The following METAP1 variants were observed in gnomAD, a reference collection of about 807,000 sequenced individuals.
METAP1 encodes the protein methionyl aminopeptidase 1.
Under a neutral mutation model 53.8 loss-of-function variants are expected in METAP1, and 28 were observed. The observed-to-expected ratio is 0.52, with a 90% CI of 0.39 to 0.71. The LOEUF (loss-of-function observed/expected upper bound fraction) is 0.71. Ranked by LOEUF, METAP1 falls within the 30% of genes least tolerant of loss-of-function variation. The probability of loss-of-function intolerance (pLI) is 0.00; values close to 1 mark genes in which losing one functional copy is unlikely to be tolerated. For synonymous variants in METAP1, 181 were observed against 165.7 expected (o/e 1.09, Z -0.71); for missense variants, 389 against 479.8 (o/e 0.81, Z 1.77).
chr4:99,050,569 A>G (rs1726618655), intron 9 of METAP1, among the ~76,000 whole-genome samples: 1 of 152,196 alleles, frequency 6.6e-6, no homozygotes, highest in African/African-American at 2.4e-5. Flanking sequence ...TGGGCCGCAG[A>G]CAGGTACCAA....
intron 1 of METAP1, chr4:99,026,679 T>G: frequency 1.0e-6 from 1 of 985,402 alleles, no homozygotes; most frequent in Non-Finnish European, 1.2e-6. Context: ...TTTTGAGTAT[T>G]CCTCTTCTAC....
At chr4:99,052,974 CTTTG>C (rs1726821852) in intron 9 of METAP1, among the ~76,000 whole-genome samples, 1 of 152,110 alleles carries the variant, frequency 6.6e-6, no homozygotes, top group Non-Finnish European at 1.5e-5. Context: ...AAACTACTTT[CTTTG>C]TTTATCTGTA....
At chr4:99,049,359 A>G (rs563950332) in intron 9 of METAP1, among the ~76,000 whole-genome samples, 3 of 152,168 alleles carry the variant, frequency 2.0e-5, no homozygotes, top group Non-Finnish European at 4.4e-5. Flanking sequence ...AAGTAACCTT[A>G]TTTTGGCAAA....
chr4:99,023,932 A>G (rs1277150535), intron 1 of METAP1: 1 of 316,368 alleles, frequency 3.2e-6, no homozygotes, highest in African/African-American at 2.3e-5. Context: ...TACTCAAATC[A>G]GTCTCCTCGA....
At chr4:98,999,918 TAGA>T (rs1722842433) in intron 1 of METAP1, among the ~76,000 whole-genome samples, 2 of 152,210 alleles carry the variant, frequency 1.3e-5, no homozygotes, top group African/African-American at 2.4e-5. Context: ...TGTTTATTAA[TAGA>T]AGTTTTCCTT....
chr4:99,029,847 A>G (rs1176298049), intron 2 of METAP1, among the ~76,000 whole-genome samples: 1 of 152,220 alleles, frequency 6.6e-6, no homozygotes, highest in Non-Finnish European at 1.5e-5. Flanking sequence ...AGGGAAATAC[A>G]AATTTTAAAA....
intron 1 of METAP1, among the ~76,000 whole-genome samples, chr4:99,009,408 A>C (rs1395925280): frequency 5.3e-5 from 8 of 152,172 alleles, no homozygotes; most frequent in African/African-American, 1.9e-4. Context: ...GGATCACACG[A>C]TTATTTGTTT....
chr4:99,039,475 A>ATT lies in METAP1; in HGVS notation c.432+15_432+16dup. 1.3e-6 allele frequency: 2 copies of ATT among 1,530,426 alleles called. No individual in the cohort carries two copies. Among genetic ancestry groups the ATT allele is most frequent in the Non-Finnish European group, 1.8e-6 (2 of 1,108,966 alleles). 94.8% of individuals were successfully genotyped at this position (1,530,426 alleles called of 1,614,324 possible). On this transcript the variant is annotated intron_variant, in intron 5 of 10. Transcript: ENST00000296411. The stretch of plus-strand genomic sequence containing the variant: ...GCGACTTGTATGTAGGGTAAGAGTG[A>ATT]TTTTTTCTCCATGGGGTAGGAAATG...
chr4:99,016,282 A>G (rs1448408120), intron 1 of METAP1, among the ~76,000 whole-genome samples: 1 of 152,212 alleles, frequency 6.6e-6, no homozygotes, highest in Non-Finnish European at 1.5e-5. Flanking sequence ...AGGGGGATGA[A>G]CCTGTATCTC....
chr4:99,001,883 C>T (rs1722942417), intron 1 of METAP1, among the ~76,000 whole-genome samples: 1 of 152,152 alleles, frequency 6.6e-6, no homozygotes, highest in African/African-American at 2.4e-5. Flanking sequence ...GCCTTCTGGT[C>T]ATCTATGAAG....
At chr4:98,998,031 C>T (rs1229676890) in intron 1 of METAP1, among the ~76,000 whole-genome samples, 1 of 152,346 alleles carries the variant, frequency 6.6e-6, no homozygotes, top group East Asian at 1.9e-4. Context: ...ATGCGTATCC[C>T]TCATTGCTTT....
intron 1 of METAP1, chr4:99,026,450 T>C (rs1724566621): frequency 1.0e-6 from 1 of 985,244 alleles, no homozygotes; most frequent in South Asian, 4.7e-5. Context: ...CCTAATGGAA[T>C]GGGTAAAGCT....
chr4:99,052,146 T>C (rs2110411482), intron 9 of METAP1, among the ~76,000 whole-genome samples: 1 of 152,316 alleles, frequency 6.6e-6, no homozygotes, highest in East Asian at 1.9e-4. Flanking sequence ...GTGTGTGTAG[T>C]CTAACAATGC....
chr4:99,022,801 C>A, intron 1 of METAP1: 1 of 1,596,546 alleles, frequency 6.3e-7, no homozygotes, highest in South Asian at 1.1e-5. Flanking sequence ...TGTCACGGAA[C>A]TCCACCCATC....
intron 5 of METAP1, among the ~76,000 whole-genome samples, chr4:99,040,116 A>C (rs1725752482): frequency 6.6e-6 from 1 of 152,252 alleles, no homozygotes; most frequent in Non-Finnish European, 1.5e-5. Flanking sequence ...AATCTGGTGG[A>C]TAGTCTATAT....
chr4:99,041,379 ATT>A (rs1389343332), intron 6 of METAP1, among the ~76,000 whole-genome samples: 1 of 152,116 alleles, frequency 6.6e-6, no homozygotes, highest in Non-Finnish European at 1.5e-5. Context: ...TGTAATAAGC[ATT>A]TCAGTTGAGC....
intron 2 of METAP1, among the ~76,000 whole-genome samples, chr4:99,029,210 T>C (rs770793389): frequency 8.5e-5 from 13 of 152,324 alleles, no homozygotes; most frequent in African/African-American, 2.4e-4. Flanking sequence ...CACACTGTTA[T>C]GTTGCTGGAA....
intron 5 of METAP1, among the ~76,000 whole-genome samples, chr4:99,040,254 A>G (rs1725761424): frequency 6.6e-6 from 1 of 152,188 alleles, no homozygotes; most frequent in South Asian, 2.1e-4. Context: ...CTTTTTGTGA[A>G]ATACCTATGA....
At position 99,043,517 on chromosome 4, in the gene METAP1, A is replaced by C. The variant is rs1409575140; in HGVS notation, c.655+130A>C. ...TTTTTCCTTTTTAAAATTCAGTATCACTAACTCTTAAATCTACAGGAAGCT... is the reference window on the plus strand; with the variant it reads ...TTTTTCCTTTTTAAAATTCAGTATCCCTAACTCTTAAATCTACAGGAAGCT... On this transcript the variant is annotated intron_variant, in intron 7 of 10. Transcript: ENST00000296411. 18 of 908,274 alleles carry C rather than the reference A, an allele frequency of 2.0e-5. 1 individual carries two copies. The Admixed American group carries it at 5.1e-4, about 26-fold the overall frequency. The allele number at this position is 908,274 out of a possible 1,614,324, so 56.3% of individuals were successfully genotyped here. A position where few individuals can be genotyped will look rare whatever the true frequency, so the allele number is the denominator to read the frequency against.
Sources: allele counts gnomAD v4.1 joint callset (sites outside exome capture counted in the v4.1 genomes callset), GRCh38; gene constraint gnomAD v4.1.1; transcripts MANE v1.5; gene names NCBI Gene and HGNC (gene_info 2026-07-23, HGNC 2026-07-21).